Variants in NEGR1 observed in about 807,000 individuals in gnomAD.
NEGR1 encodes neuronal growth regulator 1, also known as IgLON family member 4.
NEGR1 carries 10 observed loss-of-function variants against 40.9 expected under a neutral mutation model. The ratio of observed to expected loss-of-function variants is 0.24; its 90% CI spans 0.15 to 0.42. The LOEUF (loss-of-function observed/expected upper bound fraction) is 0.42, where lower values mean the gene tolerates loss of function less well. Ranked by LOEUF, NEGR1 falls within the 10% of genes least tolerant of loss-of-function variation. The pLI is 1.00. For missense variants in NEGR1, 352 were observed against 438.9 expected (o/e 0.80, Z 1.77); for synonymous variants, 185 against 166.8 (o/e 1.11, Z -0.84).
chr1:72,231,958 G>A (rs1223525771), intron 1 of NEGR1, among the ~76,000 whole-genome samples: 1 of 152,052 alleles, frequency 6.6e-6, no homozygotes, highest in Non-Finnish European at 1.5e-5. Context: ...CAACATATTG[G>A]TTTACAAATT....
At chr1:71,968,886 TG>T (rs1646233102) in intron 1 of NEGR1, among the ~76,000 whole-genome samples, 2 of 152,196 alleles carry the variant, frequency 1.3e-5, no homozygotes, top group African/African-American at 4.8e-5. Context: ...GAAGACATGA[TG>T]TTTCAAAATG....
At chr1:72,212,991 G>A (rs1346050380) in intron 1 of NEGR1, among the ~76,000 whole-genome samples, 1 of 151,876 alleles carries the variant, frequency 6.6e-6, no homozygotes, top group Non-Finnish European at 1.5e-5. Flanking sequence ...AGGTACTCAG[G>A]AAGGTTATGG....
intron 6 of NEGR1, among the ~76,000 whole-genome samples, chr1:71,462,103 T>G (rs1646718188): frequency 6.6e-6 from 1 of 152,190 alleles, no homozygotes; most frequent in Non-Finnish European, 1.5e-5. Context: ...CTATTAGCAC[T>G]GTTAGAGTAG....
intron 3 of NEGR1, among the ~76,000 whole-genome samples, chr1:71,748,817 A>G (rs1655471915): frequency 6.6e-6 from 1 of 152,198 alleles, no homozygotes. Flanking sequence ...TCTAATGCAT[A>G]GAAGGACTGT....
intron 1 of NEGR1, among the ~76,000 whole-genome samples, chr1:72,104,670 C>T (rs1057125886): frequency 2.6e-5 from 4 of 152,128 alleles, no homozygotes; most frequent in Non-Finnish European, 4.4e-5. Context: ...CCAGTCTTTT[C>T]AACAATTATC....
At chr1:72,273,453 C>A (rs990563754) in intron 1 of NEGR1, among the ~76,000 whole-genome samples, 2 of 151,864 alleles carry the variant, frequency 1.3e-5, no homozygotes, top group Non-Finnish European at 2.9e-5. Context: ...AAAAGCCTTC[C>A]CATATAATTT....
chr1:72,257,427 C>T (rs1404243404), intron 1 of NEGR1, among the ~76,000 whole-genome samples: 1 of 150,610 alleles, frequency 6.6e-6, no homozygotes, highest in Non-Finnish European at 1.5e-5. Flanking sequence ...TTACACTCTT[C>T]TTAGCAAATA....
chr1:71,668,861 C>G (rs562144292), intron 4 of NEGR1, among the ~76,000 whole-genome samples: 18 of 152,134 alleles, frequency 1.2e-4, no homozygotes, highest in Non-Finnish European at 2.6e-4. Flanking sequence ...TTCCCAAGGG[C>G]AGTCTGCTTG....
At chr1:72,156,533 T>C (rs1012682274) in intron 1 of NEGR1, among the ~76,000 whole-genome samples, 1 of 152,190 alleles carries the variant, frequency 6.6e-6, no homozygotes, top group Non-Finnish European at 1.5e-5. Flanking sequence ...AATTGTACTA[T>C]CTATGGCAGA....
chr1:72,122,713 C>T (rs543011852), intron 1 of NEGR1, among the ~76,000 whole-genome samples: 1 of 151,616 alleles, frequency 6.6e-6, no homozygotes, highest in Non-Finnish European at 1.5e-5. Context: ...GTGGTTAACT[C>T]CCATGGTAGC....
At chr1:72,033,178 C>A (rs1646874077) in intron 1 of NEGR1, among the ~76,000 whole-genome samples, 1 of 152,072 alleles carries the variant, frequency 6.6e-6, no homozygotes, top group South Asian at 2.1e-4. Flanking sequence ...TAAATTAATA[C>A]ATTTACTTAA....
chr1:71,492,026 C>G (rs1217577587), intron 6 of NEGR1, among the ~76,000 whole-genome samples: 1 of 152,012 alleles, frequency 6.6e-6, no homozygotes, highest in African/African-American at 2.4e-5. Flanking sequence ...ACTTTTTGCC[C>G]TTCTAAGGTA....
At chr1:71,934,003 GA>G (rs1201514621) in intron 2 of NEGR1, among the ~76,000 whole-genome samples, 1 of 152,014 alleles carries the variant, frequency 6.6e-6, no homozygotes, top group East Asian at 1.9e-4. Context: ...TTTAAGCCTT[GA>G]CTTATTGAAG....
intron 1 of NEGR1, among the ~76,000 whole-genome samples, chr1:72,198,422 G>T (rs879642784): frequency 6.6e-5 from 10 of 152,008 alleles, no homozygotes; most frequent in Admixed American, 1.3e-4. Flanking sequence ...CAACAAGGTG[G>T]AAGGAGCCTG....
intron 6 of NEGR1, among the ~76,000 whole-genome samples, chr1:71,520,715 C>G (rs1411615828): frequency 6.6e-6 from 1 of 151,982 alleles, no homozygotes; most frequent in Non-Finnish European, 1.5e-5. Flanking sequence ...ACTGTGAAGC[C>G]TGTCTTGTGT....
chr1:71,635,221 C>T (rs1312361174), intron 4 of NEGR1, among the ~76,000 whole-genome samples: 2 of 152,000 alleles, frequency 1.3e-5, no homozygotes, highest in African/African-American at 2.4e-5. Context: ...GGGAGATACA[C>T]ATTAATTATT....
At chr1:72,013,943 A>C (rs1646683815) in intron 1 of NEGR1, among the ~76,000 whole-genome samples, 6 of 147,636 alleles carry the variant, frequency 4.1e-5, no homozygotes. Context: ...TACAAGTCCC[A>C]AGAGATGCTC....
chr1:71,426,750 C>T (rs1646431150), intron 6 of NEGR1, among the ~76,000 whole-genome samples: 1 of 152,072 alleles, frequency 6.6e-6, no homozygotes, highest in Non-Finnish European at 1.5e-5. Flanking sequence ...AGGTATTTTG[C>T]AGGGTGTAAT....
At chr1:71,894,982 C>G (rs995994663) in intron 2 of NEGR1, among the ~76,000 whole-genome samples, 1 of 151,932 alleles carries the variant, frequency 6.6e-6, no homozygotes, top group African/African-American at 2.4e-5. Flanking sequence ...AATCTATACA[C>G]AATTTACTAA....
Sources: allele counts gnomAD v4.1 joint callset (sites outside exome capture counted in the v4.1 genomes callset), GRCh38; gene constraint gnomAD v4.1.1; transcripts MANE v1.5; gene names NCBI Gene and HGNC (gene_info 2026-07-23, HGNC 2026-07-21).